The following TPH2 variants were observed in gnomAD, a reference collection of about 807,000 sequenced individuals.
TPH2 encodes tryptophan 5-hydroxylase 2.
TPH2 carries 27 observed loss-of-function variants against 59.1 expected under a neutral mutation model. The ratio of observed to expected loss-of-function variants is 0.46; its 90% CI spans 0.34 to 0.63. The LOEUF (loss-of-function observed/expected upper bound fraction) is 0.63, where lower values mean the gene tolerates loss of function less well. Among genes scored for constraint, TPH2 ranks in the 30% least tolerant of loss-of-function variants. The probability of loss-of-function intolerance (pLI) is 0.01; values close to 1 mark genes in which losing one functional copy is unlikely to be tolerated. For missense variants in TPH2, 523 were observed against 588.3 expected (o/e 0.89, Z 1.15); for synonymous variants, 220 against 210.5 (o/e 1.05, Z -0.39).
At chr12:72,030,953 TG>T (rs1205364571) in intron 9 of TPH2, among the ~76,000 whole-genome samples, 1 of 152,156 alleles carries the variant, frequency 6.6e-6, no homozygotes, top group Non-Finnish European at 1.5e-5. Context: ...CCCATTTCTG[TG>T]GGGGAATAGC....
chr12:71,982,616 G>A (rs1231453178), intron 7 of TPH2, among the ~76,000 whole-genome samples: 3 of 152,198 alleles, frequency 2.0e-5, no homozygotes, highest in African/African-American at 7.2e-5. Flanking sequence ...ACTTTCACAG[G>A]CGTTGTCTTT....
In TPH2 at chr12:72,017,534, A is replaced by T. The variant is rs577890594; in HGVS notation, c.1069-4865A>T. Among the ~76,000 whole-genome samples the T allele has an allele frequency of 3.9e-5, 6 of 152,338 alleles. No homozygotes were observed. The South Asian group carries it at 1.0e-3, about 26-fold the overall frequency. ...TTGGAATTCATGAACACCAGCTTTG[A>T]TGAAAGATACCCTTCAATTTGGGAG... On this transcript the variant is annotated intron_variant, in intron 8 of 10. Coordinates refer to ENST00000333850, the MANE Select transcript of TPH2 (RefSeq NM_173353.4).
At chr12:71,959,145 T>C (rs1000929102) in intron 5 of TPH2, among the ~76,000 whole-genome samples, 1 of 151,964 alleles carries the variant, frequency 6.6e-6, no homozygotes, top group African/African-American at 2.4e-5. Context: ...GGGACTGAGA[T>C]TCAGTACTGT....
chr12:71,994,961 A>C lies in TPH2; in HGVS notation c.1068+396A>C, dbSNP rs556129582. 1.3e-3 allele frequency among the ~76,000 whole-genome samples: 185 copies of C among 144,788 alleles called. 2 individuals carry two copies. Among genetic ancestry groups the C allele is most frequent in the African/African-American group, 3.6e-3 (149 of 41,132 alleles). 95.0% of individuals were successfully genotyped at this position (144,788 alleles called of 152,430 possible). ...ATAAAAGCTGGTGGTGGGCAGATTTAGCCTGTGTGCTGTGGTTTGCTGACT... is the reference window on the plus strand; with the variant it reads ...ATAAAAGCTGGTGGTGGGCAGATTTCGCCTGTGTGCTGTGGTTTGCTGACT... On this transcript the variant is annotated intron_variant, in intron 8 of 10. Coordinates refer to ENST00000333850, the MANE Select transcript of TPH2 (RefSeq NM_173353.4).
intron 8 of TPH2, among the ~76,000 whole-genome samples, chr12:71,995,922 C>T (rs1050389654): frequency 6.6e-5 from 10 of 152,150 alleles, no homozygotes; most frequent in Admixed American, 1.3e-4. Context: ...CAATTTGTAA[C>T]TTCTGGTATA....
At chr12:71,974,643 C>T (rs1872065427) in intron 6 of TPH2, among the ~76,000 whole-genome samples, 1 of 152,216 alleles carries the variant, frequency 6.6e-6, no homozygotes, top group African/African-American at 2.4e-5. Context: ...AGGTCACATA[C>T]TCACAGATTC....
chr12:72,032,049 C>T lies in TPH2; in HGVS notation c.*354C>T. 3.4e-6 allele frequency: 1 copy of T among 290,958 alleles called. No individual in the cohort carries two copies. Among genetic ancestry groups the T allele is most frequent in the Non-Finnish European group, 6.7e-6 (1 of 149,696 alleles). The allele number at this position is 290,958 out of a possible 1,614,324, so 18.0% of individuals were successfully genotyped here. ...TCTTTTTCAGATCTAAGCCTTTCCT[C>T]TGTGTTCATTAGATAAAATGAAAAA... On this transcript the variant is annotated 3_prime_UTR_variant, in exon 11 of 11. Transcript: ENST00000333850.
At chr12:72,011,236 A>G (rs145523919) in intron 8 of TPH2, among the ~76,000 whole-genome samples, 34 of 152,312 alleles carry the variant, frequency 2.2e-4, no homozygotes, top group African/African-American at 7.7e-4. Flanking sequence ...CTCATGCACT[A>G]TTTCTAAGGT....
chr12:72,017,361 A>G (rs1019596075), intron 8 of TPH2, among the ~76,000 whole-genome samples: 5 of 152,256 alleles, frequency 3.3e-5, no homozygotes, highest in Non-Finnish European at 7.3e-5. Context: ...TCTTCTGCTT[A>G]ATGACTGCAT....
intron 8 of TPH2, among the ~76,000 whole-genome samples, chr12:72,012,802 C>CT (rs965516128): frequency 1.2e-4 from 18 of 151,456 alleles, no homozygotes; most frequent in South Asian, 6.3e-4. Context: ...CTTTTTTCTT[C>CT]TTTTTTTTTA....
intron 5 of TPH2, among the ~76,000 whole-genome samples, chr12:71,968,276 G>A (rs781044740): frequency 1.4e-4 from 21 of 152,226 alleles, no homozygotes; most frequent in Non-Finnish European, 2.6e-4. Flanking sequence ...AGCTGGGGCA[G>A]CCCTCAGAGC....
chr12:72,002,401 A>G (rs1270930774), intron 8 of TPH2, among the ~76,000 whole-genome samples: 1 of 152,118 alleles, frequency 6.6e-6, no homozygotes, highest in Non-Finnish European at 1.5e-5. Context: ...GAAAATGAGA[A>G]TACACTGTAG....
At chr12:71,940,716 C>A (rs1871033957) in intron 1 of TPH2, among the ~76,000 whole-genome samples, 1 of 152,140 alleles carries the variant, frequency 6.6e-6, no homozygotes, top group African/African-American at 2.4e-5. Context: ...TTTTATTCTG[C>A]ATTTCTGGCA....
intron 7 of TPH2, among the ~76,000 whole-genome samples, chr12:71,993,543 C>A (rs955109969): frequency 2.0e-5 from 3 of 152,168 alleles, no homozygotes; most frequent in African/African-American, 7.2e-5. Flanking sequence ...GTGAAAGATA[C>A]CTGTCTTTTG....
intron 6 of TPH2, 81 bp from the exon 7 acceptor site, chr12:71,978,871 T>C: frequency 6.4e-7 from 1 of 1,564,804 alleles, no homozygotes; most frequent in Non-Finnish European, 8.8e-7. Context: ...GGATCTTCCT[T>C]ATAAATAGTA....
chr12:71,964,769 G>A (rs190910861), intron 5 of TPH2: 2 of 984,984 alleles, frequency 2.0e-6, no homozygotes, highest in African/African-American at 1.7e-5. Context: ...TATAAATTTT[G>A]TGATGATGAA....
At chr12:71,977,428 T>A (rs1872151468) in intron 6 of TPH2, among the ~76,000 whole-genome samples, 1 of 151,422 alleles carries the variant, frequency 6.6e-6, no homozygotes, top group Non-Finnish European at 1.5e-5. Context: ...AATTTGTTAC[T>A]AAATTTTATG....
At chr12:71,959,747 GGAA>G (rs1392445054) in intron 5 of TPH2, among the ~76,000 whole-genome samples, 4 of 152,120 alleles carry the variant, frequency 2.6e-5, no homozygotes, top group Admixed American at 6.5e-5. Context: ...AGAAGGTAGA[GGAA>G]GAATGGAAGG....
chr12:72,011,493 G>A (rs1188874183), intron 8 of TPH2, among the ~76,000 whole-genome samples: 2 of 152,202 alleles, frequency 1.3e-5, no homozygotes. Flanking sequence ...CAGTGATGCT[G>A]ATAGAAATTC....
Sources: gnomAD v4.1 joint callset for allele counts (sites outside exome capture counted in the v4.1 genomes callset) on GRCh38, gnomAD v4.1.1 for gene constraint, MANE v1.5 for transcripts, NCBI Gene and HGNC (gene_info 2026-07-23, HGNC 2026-07-21) for gene names.